The following CC2D2A variants were observed in gnomAD, a reference collection of about 807,000 sequenced individuals.
The protein encoded by CC2D2A is coiled-coil and C2 domain containing 2A, also known as coiled-coil and C2 domain-containing protein 2A.
Under a neutral mutation model 212.9 loss-of-function variants are expected in CC2D2A, and 155 were observed. The ratio of observed to expected loss-of-function variants is 0.73; its 90% confidence interval spans 0.64 to 0.83. The LOEUF is 0.83. CC2D2A is among the 40% of genes least tolerant of loss of function. The pLI, the probability that CC2D2A is intolerant of heterozygous loss-of-function variation, is 0.00. For synonymous variants in CC2D2A, 667 were observed against 686.5 expected (o/e 0.97, Z 0.44); for missense variants, 1,856 against 1,956.2 (o/e 0.95, Z 0.97).
intron 33 of CC2D2A, among the ~76,000 whole-genome samples, chr4:15,590,670 T>C (rs1356313145): frequency 6.6e-6 from 1 of 152,200 alleles, no homozygotes; most frequent in Non-Finnish European, 1.5e-5. Flanking sequence ...TATAGAATAG[T>C]TGTGAGAAGT....
chr4:15,578,917 C>A (rs2109082342), intron 29 of CC2D2A, among the ~76,000 whole-genome samples: 1 of 152,106 alleles, frequency 6.6e-6, no homozygotes, highest in East Asian at 1.9e-4. Flanking sequence ...GCTGGGATTG[C>A]AGGTGTGAGA....
At chr4:15,480,037 G>A (rs771167577) in intron 3 of CC2D2A, among the ~76,000 whole-genome samples, 2 of 152,162 alleles carry the variant, frequency 1.3e-5, no homozygotes, top group Admixed American at 6.5e-5. Flanking sequence ...GTTCCATCCC[G>A]GGCCATCTAT....
chr4:15,580,131 A>G lies in CC2D2A; in HGVS notation c.3935A>G (p.Glu1312Gly). 1 of 1,613,938 alleles carries G rather than the reference A, an allele frequency of 6.2e-7. No homozygotes were observed. Among genetic ancestry groups the G allele is most frequent in the Non-Finnish European group, 8.5e-7 (1 of 1,179,858 alleles). ...RYLKPLNPPQ[E>G]LLNVYPNNLQ... is the part of the protein sequence containing the mutation. The stretch of plus-strand genomic sequence containing the variant: ...CTCAAACCTTTAAACCCTCCTCAGG[A>G]GCTCCTTAATGTCTACCCCAATAAT... The change falls in exon 30 of 37, where the codon GAG becomes GGG. Residue 1312 changes from glutamate to glycine, a missense_variant. Coordinates refer to ENST00000424120, the MANE Select transcript of CC2D2A (RefSeq NM_001378615.1).
chr4:15,501,079 C>T (rs1011107309), intron 4 of CC2D2A, among the ~76,000 whole-genome samples: 1 of 152,180 alleles, frequency 6.6e-6, no homozygotes, highest in East Asian at 1.9e-4. Flanking sequence ...CAGATTCCCT[C>T]ACTTTTTCCT....
At chr4:15,506,409 AAAT>A (rs1182479623) in intron 6 of CC2D2A, among the ~76,000 whole-genome samples, 1 of 152,210 alleles carries the variant, frequency 6.6e-6, no homozygotes, top group African/African-American at 2.4e-5. Flanking sequence ...AAAGAAACAA[AAAT>A]AATAATTTCC....
rs1716759512 is a variant in CC2D2A, at chr4:15,514,692, T to C, written c.718-15T>C. ...TTAGCATGATTTTTTCTTGTTACTT[T>C]TTAACATTATGCAGGATGAGGAAGA... On this transcript the variant is annotated splice_polypyrimidine_tract_variant and intron_variant, in intron 8 of 36. Transcript: ENST00000424120. The C allele has an allele frequency of 1.3e-6, 2 of 1,487,632 alleles. No individual in the cohort carries two copies. The highest frequency in any genetic ancestry group is 2.4e-5 in the East Asian group (1 of 42,362). The allele number at this position is 1,487,632 out of a possible 1,614,324, so 92.2% of individuals were successfully genotyped here.
intron 2 of CC2D2A, 46 bp from the exon 3 acceptor site, chr4:15,478,677 C>G (rs887657124): frequency 2.1e-6 from 3 of 1,426,924 alleles, no homozygotes; most frequent in Non-Finnish European, 2.9e-6. Flanking sequence ...AAAGTCATAC[C>G]TCTCTTCCTG....
intron 4 of CC2D2A, among the ~76,000 whole-genome samples, chr4:15,489,654 T>G (rs370787621): frequency 5.9e-5 from 9 of 152,294 alleles, no homozygotes; most frequent in African/African-American, 1.7e-4. Flanking sequence ...CATTTTTGTC[T>G]CCAGTCCTCT....
Position 15,511,293 on chromosome 4 carries a change from C to T in CC2D2A, c.587C>T (p.Thr196Ile). 6.2e-7 allele frequency: 1 copy of T among 1,601,038 alleles called. No individual in the cohort carries two copies. Among genetic ancestry groups the T allele is most frequent in the Non-Finnish European group, 8.5e-7 (1 of 1,174,972 alleles). ...GCAGAAGAGGCCTATAACTTCTTTA[C>T]TTTCAACTTTGATCCCGAACCAGAA... Reference protein sequence around the residue: ...PSAEEAYNFFTFNFDPEPEGS... With the variant: ...PSAEEAYNFFIFNFDPEPEGS... The change falls in exon 8 of 37, where the codon ACT becomes ATT. Residue 196 changes from threonine to isoleucine, a missense_variant. By Grantham distance (89) the Thr-to-Ile change is moderately conservative (BLOSUM62 -1). Coordinates refer to ENST00000424120, the MANE Select transcript of CC2D2A (RefSeq NM_001378615.1).
chr4:15,563,290 G>A, intron 23 of CC2D2A, 65 bp from the exon 24 acceptor site: 2 of 1,471,038 alleles, frequency 1.4e-6, no homozygotes, highest in South Asian at 1.4e-5. Context: ...AGTTCGGGAA[G>A]TCGTCTCACA....
In CC2D2A at chr4:15,536,923, A is replaced by C. The variant is rs762714528; in HGVS notation, c.1611A>C (p.Glu537Asp). Reference sequence around the variant, plus strand: ...GGGACTACAAATTATTTTAAAGGGAAAAAGCTGACCAGAAAGCAGATGAAG... The same window carrying C: ...GGGACTACAAATTATTTTAAAGGGACAAAGCTGACCAGAAAGCAGATGAAG... ...NTPLKLVLRK[E>D]KADQKADEEA... Residue 537 changes from glutamate to aspartate, a missense_variant, in exon 15 of 37, where the codon GAA (glutamate) becomes GAC (aspartate). Around this residue, in one of 5 missense-constraint regions of CC2D2A, gnomAD observed 1,512 missense variants for 1,579.3 expected, o/e 0.96. Coordinates refer to ENST00000424120, the MANE Select transcript of CC2D2A (RefSeq NM_001378615.1). 6.2e-7 allele frequency: 1 copy of C among 1,613,398 alleles called. No homozygotes were observed.
At chr4:15,536,131 A>G (rs1219186768) in intron 14 of CC2D2A, among the ~76,000 whole-genome samples, 3 of 152,206 alleles carry the variant, frequency 2.0e-5, no homozygotes, top group East Asian at 1.9e-4. Flanking sequence ...AAGCAAAATC[A>G]TCAAAGAAAA....
intron 28 of CC2D2A, among the ~76,000 whole-genome samples, chr4:15,571,777 G>GA (rs1043853446): frequency 7.9e-5 from 12 of 151,116 alleles, no homozygotes; most frequent in East Asian, 1.9e-4. Flanking sequence ...ATTTTAAATG[G>GA]AAAAAAAAAT....
At chr4:15,531,093 A>T (rs749626591) in intron 13 of CC2D2A, among the ~76,000 whole-genome samples, 1 of 152,108 alleles carries the variant, frequency 6.6e-6, no homozygotes, top group Non-Finnish European at 1.5e-5. Flanking sequence ...CTTTATCTCT[A>T]TATTTCCTTT....
At chr4:15,577,294 C>A (rs1720456498) in intron 29 of CC2D2A, among the ~76,000 whole-genome samples, 1 of 152,152 alleles carries the variant, frequency 6.6e-6, no homozygotes, top group Non-Finnish European at 1.5e-5. Flanking sequence ...CTGCACCTGG[C>A]CAGTGTAGCT....
intron 11 of CC2D2A, among the ~76,000 whole-genome samples, chr4:15,524,839 G>A (rs1292485949): frequency 6.6e-6 from 1 of 152,064 alleles, no homozygotes; most frequent in African/African-American, 2.4e-5. Flanking sequence ...TAGCATTTCA[G>A]TTTTCAGTTG....
Position 15,591,763 on chromosome 4 carries a change from T to C in CC2D2A, c.4314+2084T>C, listed in dbSNP as rs550366131. 3.3e-5 allele frequency among the ~76,000 whole-genome samples: 5 copies of C among 152,344 alleles called. No individual in the cohort carries two copies. In the South Asian group the frequency reaches 1.0e-3, roughly 32 times the overall value. On this transcript the variant is annotated intron_variant, in intron 33 of 36. Transcript: ENST00000424120. The stretch of plus-strand genomic sequence containing the variant: ...TAGAGGATCATTTTAAGGTCATTAG[T>C]AATCAAGCAGGGTTAACAGGCACTG...
In CC2D2A at chr4:15,550,871, G is replaced by A. The variant is rs1399732417; in HGVS notation, c.2229G>A (p.Val743=). Residue 743 remains valine (V), a synonymous_variant, in exon 18 of 37, where the codon GTG becomes GTA. Transcript: ENST00000424120. ...GTAGTCCCACCTTGCTAGCAGAAGT[G>A]TTTCTGCCTATTCCTGAGACTACTG... The part of the protein sequence containing the change: ...GHSSPTLLAE[V]FLPIPETTVV... 8.7e-6 allele frequency: 14 copies of A among 1,602,044 alleles called. No individual in the cohort carries two copies. Among genetic ancestry groups the A allele is most frequent in the Non-Finnish European group, 8.5e-6 (10 of 1,170,468 alleles).
rs957392591 is a variant in CC2D2A, at chr4:15,587,201, C to A, written c.4066-615C>A. On this transcript the variant is annotated intron_variant, in intron 31 of 36. Coordinates refer to ENST00000424120, the MANE Select transcript of CC2D2A (RefSeq NM_001378615.1). Reference sequence around the variant, plus strand: ...ACCTGGATTCCTTGCATGTGCAATTCATAATAGGGTTTGCACTCCTATGAG... The same window carrying A: ...ACCTGGATTCCTTGCATGTGCAATTAATAATAGGGTTTGCACTCCTATGAG... Among the ~76,000 whole-genome samples, 5 of 152,196 alleles carry A rather than the reference C, an allele frequency of 3.3e-5. No homozygotes were observed. In the East Asian group the frequency reaches 9.6e-4, roughly 29 times the overall value.
Sources: allele counts gnomAD v4.1 joint callset (sites outside exome capture counted in the v4.1 genomes callset), GRCh38; gene constraint gnomAD v4.1.1; regional missense constraint gnomAD v4.1.1; transcripts MANE v1.5; gene names NCBI Gene and HGNC (gene_info 2026-07-23, HGNC 2026-07-21).